The following NBPF14 variants were observed in gnomAD, a reference collection of about 807,000 sequenced individuals.
NBPF14 encodes the protein NBPF member 14.
A neutral mutation model predicts 91.2 loss-of-function variants in NBPF14; 104 were observed. The observed-to-expected ratio is 1.14, with a 90% CI of 0.97 to 1.34. The LOEUF (loss-of-function observed/expected upper bound fraction) is 1.34. Among genes scored for constraint, NBPF14 ranks in the 40% most tolerant of loss-of-function variants. The pLI is 0.00. For synonymous variants in NBPF14, 294 were observed against 303.8 expected, an observed-to-expected ratio of 0.97 and a Z score of 0.34; for missense variants, 908 against 783.0, an observed-to-expected ratio of 1.16 and a Z score of -1.91.
At chr1:148,559,717 G>T (rs1380222775) in intron 37 of NBPF14, 76 bp downstream of exon 37, 49 of 780,218 alleles carry the variant, frequency 6.3e-5, no homozygotes, top group Non-Finnish European at 9.3e-5. Flanking sequence ...GCTCAGTAAG[G>T]GCCACTTGCA....
intron 20 of NBPF14, 108 bp from the exon 21 acceptor site, chr1:148,572,723 C>T (rs1322197308): frequency 3.2e-6 from 2 of 625,588 alleles, no homozygotes; most frequent in Non-Finnish European, 5.6e-6. Context: ...AGAAAAAGGA[C>T]AGATCCATTA....
At chr1:148,559,871 T>A in exon 37 of NBPF14, 3 of 1,437,686 alleles carry the variant, frequency 2.1e-6, no homozygotes, top group Admixed American at 1.8e-5. Context: ...CATGAGTCAG[T>A]CAGTTCAAGA....
chr1:148,561,843 A>G (rs1409662123), intron 34 of NBPF14, among the ~76,000 whole-genome samples: 1 of 137,892 alleles, frequency 7.3e-6, no homozygotes, highest in Non-Finnish European at 1.5e-5. Flanking sequence ...AGAGAGAGAG[A>G]GAGAACGAGC....
intron 49 of NBPF14, among the ~76,000 whole-genome samples, chr1:148,550,142 A>G (rs1656041595): frequency 1.3e-5 from 2 of 149,168 alleles, no homozygotes; most frequent in Non-Finnish European, 3.0e-5. Context: ...TGACAGTAGG[A>G]TTAGGGCGCC....
At chr1:148,534,201 C>A (rs1409939257) in intron 69 of NBPF14, among the ~76,000 whole-genome samples, 2 of 150,578 alleles carry the variant, frequency 1.3e-5, no homozygotes, top group African/African-American at 2.5e-5. Context: ...ATCCCAATAT[C>A]ATTTGTCCCA....
chr1:148,559,608 C>A (rs1657306602), intron 37 of NBPF14, among the ~76,000 whole-genome samples, 185 bp downstream of exon 37: 3 of 124,692 alleles, frequency 2.4e-5, no homozygotes, highest in South Asian at 5.8e-4. Flanking sequence ...GAGAGCCTTG[C>A]TCACTGACCC....
intron 64 of NBPF14, 148 bp from the exon 65 acceptor site, chr1:148,538,154 T>G (rs1655322685): frequency 1.1e-5 from 1 of 94,286 alleles, no homozygotes; most frequent in Non-Finnish European, 1.9e-5. Flanking sequence ...GCCTTCATGT[T>G]GGGACAGAAC....
chr1:148,593,323 G>A (rs1217317142), intron 3 of NBPF14, among the ~76,000 whole-genome samples: 6 of 148,932 alleles, frequency 4.0e-5, no homozygotes, highest in Non-Finnish European at 7.5e-5. Flanking sequence ...ATGCTGCTGG[G>A]TGGTTCCCAC....
At chr1:148,557,713 G>C (rs1175509390) in intron 39 of NBPF14, among the ~76,000 whole-genome samples, 171 bp from the exon 40 acceptor site, 1 of 130,172 alleles carries the variant, frequency 7.7e-6, no homozygotes. Context: ...TCCTTGCTTT[G>C]CATCTCAGAA....
Position 148,559,769 on chromosome 1 carries a change from T to G in NBPF14, c.4729+24A>C, listed in dbSNP as rs1481619512. The stretch of plus-strand genomic sequence containing the variant: ...AACCAGAAGACTCAGTGGATCCTTA[T>G]CACCTTCATAGAAAGGTACTCACCA... On this transcript the variant is annotated intron_variant, in intron 37 of 70. Coordinates refer to ENST00000619423, the Ensembl canonical transcript of NBPF14. The G allele has an allele frequency of 5.1e-6, 7 of 1,366,622 alleles. 1 individual carries two copies. In the East Asian group the frequency reaches 1.5e-4, roughly 30 times the overall value. 84.7% of individuals were successfully genotyped at this position (1,366,622 alleles called of 1,614,324 possible).
At position 148,566,337 on chromosome 1, in the gene NBPF14, A is replaced by G; in HGVS notation, c.3543-22T>C. ...GAGCCTGGAAAAGGAGGAAAAGGTAAAGAATAAGCCAGGGGAAATCAGACA... is the reference window on the plus strand; with the variant it reads ...GAGCCTGGAAAAGGAGGAAAAGGTAGAGAATAAGCCAGGGGAAATCAGACA... On this transcript the variant is annotated intron_variant, in intron 28 of 70. Transcript: ENST00000619423. 4 of 769,956 alleles carry G rather than the reference A, an allele frequency of 5.2e-6. 1 individual carries two copies. Among genetic ancestry groups the G allele is most frequent in the Non-Finnish European group, 9.2e-6 (4 of 435,242 alleles). 47.7% of individuals were successfully genotyped at this position (769,956 alleles called of 1,614,324 possible). A position where few individuals can be genotyped will look rare whatever the true frequency, so the allele number is the denominator to read the frequency against.
chr1:148,587,214 C>G, intron 8 of NBPF14, 87 bp downstream of exon 8: 1 of 1,183,772 alleles, frequency 8.4e-7, no homozygotes. Context: ...CCTGGCCCAG[C>G]TGAGCTCTTA....
At chr1:148,558,315 G>T in exon 39 of NBPF14, 1 of 64,608 alleles carries the variant, frequency 1.5e-5, no homozygotes, top group Non-Finnish European at 2.4e-5. Flanking sequence ...CTGCTGTAGG[G>T]CTGGCCTAAG....
intron 6 of NBPF14, among the ~76,000 whole-genome samples, chr1:148,589,734 TTTTTTG>T: frequency 7.1e-6 from 1 of 140,864 alleles, no homozygotes; most frequent in African/African-American, 2.6e-5. Flanking sequence ...TCTTTTTTGG[TTTTTTG>T]TTTTTTGTTT....
intron 20 of NBPF14, 116 bp downstream of exon 20, chr1:148,573,114 G>A: frequency 3.7e-5 from 2 of 54,496 alleles, no homozygotes; most frequent in Admixed American, 2.8e-4. Context: ...AGCAATGACA[G>A]TAGGAGTAAT....
In NBPF14 at chr1:148,534,570, T is replaced by C; in HGVS notation, c.8614+114A>G. 5 of 781,070 alleles carry C rather than the reference T, an allele frequency of 6.4e-6. No homozygotes were observed. In the South Asian group the frequency reaches 6.8e-5, roughly 11 times the overall value. 48.4% of individuals were successfully genotyped at this position (781,070 alleles called of 1,614,324 possible). A position where few individuals can be genotyped will look rare whatever the true frequency, so the allele number is the denominator to read the frequency against. On this transcript the variant is annotated intron_variant, in intron 69 of 70. Transcript: ENST00000619423. ...ATTACAACCTATATGCGCCCATAGG[T>C]CCTGCCTGCGGCAATGACATCTCTC...
chr1:148,534,574 G>A (rs1275015065), intron 69 of NBPF14, 110 bp downstream of exon 69: 7 of 798,686 alleles, frequency 8.8e-6, no homozygotes, highest in East Asian at 4.8e-5. Flanking sequence ...CATAGGTCCT[G>A]CCTGCGGCAA....
intron 63 of NBPF14, 131 bp downstream of exon 63, chr1:148,539,279 C>T (rs1553333179): frequency 4.7e-6 from 3 of 635,952 alleles, no homozygotes; most frequent in Middle Eastern, 4.0e-4. Context: ...TCTTTACAAC[C>T]TATATGCGCC....
Position 148,534,868 on chromosome 1 carries a change from G to C in NBPF14, c.8442-12C>G, listed in dbSNP as rs1346909618. ...GCTCCCTGCTGAGCCTGGAAAAGTAGGAAAAAGTAAAGAATAAGCCAGGGG... is the reference window on the plus strand; with the variant it reads ...GCTCCCTGCTGAGCCTGGAAAAGTACGAAAAAGTAAAGAATAAGCCAGGGG... On this transcript the variant is annotated splice_polypyrimidine_tract_variant and intron_variant, in intron 68 of 70. Coordinates refer to ENST00000619423, the Ensembl canonical transcript of NBPF14. The C allele has an allele frequency of 2.3e-6, 2 of 862,186 alleles. No individual in the cohort carries two copies. The highest frequency in any genetic ancestry group is 1.8e-5 in the Admixed American group (1 of 56,158). 53.4% of individuals were successfully genotyped at this position (862,186 alleles called of 1,614,324 possible).
Sources: gnomAD v4.1 joint callset for allele counts (sites outside exome capture counted in the v4.1 genomes callset) on GRCh38, gnomAD v4.1.1 for gene constraint, MANE v1.5 for transcripts, NCBI Gene and HGNC (gene_info 2026-07-23, HGNC 2026-07-21) for gene names.